The following PCDH9 variants were observed in gnomAD, a reference collection of about 807,000 sequenced individuals.
PCDH9 encodes protocadherin 9, also known as protocadherin-9.
In PCDH9, 24 loss-of-function variants were observed where a neutral mutation model predicts 70.6. The ratio of observed to expected loss-of-function variants is 0.34; its 90% CI spans 0.25 to 0.48. The LOEUF (loss-of-function observed/expected upper bound fraction) is 0.48, where lower values mean the gene tolerates loss of function less well. Among genes scored for constraint, PCDH9 ranks in the 20% least tolerant of loss-of-function variants. The pLI, the probability that PCDH9 is intolerant of heterozygous loss-of-function variation, is 0.99. For synonymous variants in PCDH9, 562 were observed against 558.5 expected (o/e 1.01, Z -0.09); for missense variants, 1,281 against 1,503.6 (o/e 0.85, Z 2.45).
At chr13:66,762,969 T>C (rs1025430599) in intron 3 of PCDH9, among the ~76,000 whole-genome samples, 4 of 151,950 alleles carry the variant, frequency 2.6e-5, no homozygotes, top group African/African-American at 9.7e-5. Flanking sequence ...TAAGACTATT[T>C]TTTTTTGAGA....
At chr13:66,912,911 G>A (rs909050157) in intron 2 of PCDH9, among the ~76,000 whole-genome samples, 2 of 151,992 alleles carry the variant, frequency 1.3e-5, no homozygotes, top group African/African-American at 2.4e-5. Flanking sequence ...ATAATTTCTA[G>A]TATTTTGGTT....
intron 3 of PCDH9, among the ~76,000 whole-genome samples, chr13:66,763,389 A>T (rs182582501): frequency 2.0e-5 from 3 of 152,144 alleles, no homozygotes; most frequent in Admixed American, 2.0e-4. Flanking sequence ...TGAAGTATAT[A>T]AGAATAAGGG....
chr13:67,150,157 C>T (rs1362000472), intron 2 of PCDH9, among the ~76,000 whole-genome samples: 1 of 152,156 alleles, frequency 6.6e-6, no homozygotes, highest in African/African-American at 2.4e-5. Flanking sequence ...CCTCAACTTC[C>T]CAAGTAGCTG....
In PCDH9 at chr13:66,952,509, A is replaced by C. The variant is rs540335830; in HGVS notation, c.3037-48904T>G. 2.0e-5 allele frequency among the ~76,000 whole-genome samples: 3 copies of C among 152,242 alleles called. No homozygotes were observed. The East Asian group carries it at 5.8e-4, about 29-fold the overall frequency. The stretch of plus-strand genomic sequence containing the variant: ...TCTCATCCAAAATAAATTCCTCATC[A>C]AAACAGTGGAATAGTTTACCCTAGA... On this transcript the variant is annotated intron_variant, in intron 2 of 4. Coordinates refer to ENST00000377865, the MANE Select transcript of PCDH9 (RefSeq NM_203487.3).
At chr13:67,023,249 C>T (rs2084714970) in intron 2 of PCDH9, among the ~76,000 whole-genome samples, 2 of 151,926 alleles carry the variant, frequency 1.3e-5, no homozygotes, top group South Asian at 4.2e-4. Flanking sequence ...ATGATCAACA[C>T]CTGTTCCAAA....
In PCDH9 at chr13:67,204,838, GAC is replaced by G. The variant is rs926793816; in HGVS notation, c.3036+20565_3036+20566del. The G allele has an allele frequency of 6.3e-4, 96 of 152,258 alleles. 1 individual carries two copies. Among genetic ancestry groups the G allele is most frequent in the African/African-American group, 2.1e-3 (89 of 41,552 alleles). 9.4% of individuals were successfully genotyped at this position (152,258 alleles called of 1,614,324 possible). ...TAGGCCACTGTATTCATGTCTGTAT[GAC>G]ACAGTTTGGTTTTCAAATCCCAACT... is the stretch of plus-strand genomic sequence containing the variant. On this transcript the variant is annotated intron_variant, in intron 2 of 4. Transcript: ENST00000377865.
chr13:66,868,735 A>G (rs1168191120), intron 3 of PCDH9, among the ~76,000 whole-genome samples: 1 of 152,186 alleles, frequency 6.6e-6, no homozygotes, highest in East Asian at 1.9e-4. Context: ...TTATGGCAAG[A>G]GTAGATTGAA....
At chr13:66,368,449 C>T (rs1490539281) in intron 4 of PCDH9, among the ~76,000 whole-genome samples, 2 of 151,722 alleles carry the variant, frequency 1.3e-5, no homozygotes, top group Admixed American at 6.6e-5. Flanking sequence ...GTGACACCCC[C>T]AATTTTATAT....
At chr13:67,138,523 G>A (rs923344719) in intron 2 of PCDH9, among the ~76,000 whole-genome samples, 3 of 152,122 alleles carry the variant, frequency 2.0e-5, no homozygotes, top group African/African-American at 7.2e-5. Flanking sequence ...CTGCTCCAGA[G>A]GGCATAGGCC....
At chr13:66,943,725 G>C (rs1444875517) in intron 2 of PCDH9, among the ~76,000 whole-genome samples, 2 of 151,986 alleles carry the variant, frequency 1.3e-5, no homozygotes, top group African/African-American at 4.8e-5. Context: ...ATGTCTCTTA[G>C]TGTAATTTTT....
chr13:66,911,119 C>G (rs1250609688), intron 2 of PCDH9, among the ~76,000 whole-genome samples: 2 of 152,022 alleles, frequency 1.3e-5, no homozygotes, highest in Non-Finnish European at 2.9e-5. Context: ...TTTTTGTATT[C>G]TTATAGAAAT....
chr13:66,569,171 T>TTTGTA (rs1436315361), intron 4 of PCDH9, among the ~76,000 whole-genome samples: 2 of 151,430 alleles, frequency 1.3e-5, no homozygotes, highest in Admixed American at 6.6e-5. Context: ...CCAGCTAATT[T>TTTGTA]TTGTATTTTA....
In PCDH9 at chr13:66,418,839, C is replaced by A. The variant is rs201825002; in HGVS notation, c.3341-113811G>T. ...AAAGTTTAACAAAATAGATAGACCG[C>A]TAGCCAGACTAATAAAGAAGTAAAG... On this transcript the variant is annotated intron_variant, in intron 4 of 4. Coordinates refer to ENST00000377865, the MANE Select transcript of PCDH9 (RefSeq NM_203487.3). 0.014 allele frequency among the ~76,000 whole-genome samples: 114 copies of A among 8,290 alleles called. No homozygotes were observed. In the South Asian group the frequency reaches 0.15, roughly 11 times the overall value. The allele number at this position is 8,290 out of a possible 152,430, so 5.4% of individuals were successfully genotyped here.
intron 3 of PCDH9, among the ~76,000 whole-genome samples, chr13:66,779,182 CTTTT>C (rs368685061): frequency 7.0e-6 from 1 of 142,356 alleles, no homozygotes; most frequent in Non-Finnish European, 1.5e-5. Context: ...AGTTCAGTGG[CTTTT>C]TTTTTTTAAC....
At chr13:66,861,002 T>C (rs1183931855) in intron 3 of PCDH9, among the ~76,000 whole-genome samples, 1 of 152,210 alleles carries the variant, frequency 6.6e-6, no homozygotes, top group Non-Finnish European at 1.5e-5. Context: ...CTTGAGTGCA[T>C]TGACTTTCCT....
At chr13:66,859,211 TCCCAATCA>T (rs1397907060) in intron 3 of PCDH9, 1 of 152,194 alleles carries the variant, frequency 6.6e-6, no homozygotes, top group Non-Finnish European at 1.5e-5. Context: ...CTCTTTCTTC[TCCCAATCA>T]CTAATTAGAC....
At chr13:66,509,584 C>G (rs561412586) in intron 4 of PCDH9, among the ~76,000 whole-genome samples, 1 of 152,090 alleles carries the variant, frequency 6.6e-6, no homozygotes, top group Non-Finnish European at 1.5e-5. Flanking sequence ...GTACTTCTTT[C>G]TCTCTACTCT....
intron 4 of PCDH9, among the ~76,000 whole-genome samples, chr13:66,579,949 CAG>C (rs1253358294): frequency 6.6e-6 from 1 of 152,000 alleles, no homozygotes; most frequent in East Asian, 1.9e-4. Context: ...GTAATATTTT[CAG>C]AGTCAAAATT....
chr13:66,495,079 A>T (rs2138543210), intron 4 of PCDH9, among the ~76,000 whole-genome samples: 1 of 152,292 alleles, frequency 6.6e-6, no homozygotes, highest in Admixed American at 6.5e-5. Context: ...ATAGATTTTT[A>T]AAATAATTAT....
Sources: gnomAD v4.1 joint callset for allele counts (sites outside exome capture counted in the v4.1 genomes callset) on GRCh38, gnomAD v4.1.1 for gene constraint, MANE v1.5 for transcripts, NCBI Gene and HGNC (gene_info 2026-07-23, HGNC 2026-07-21) for gene names.